Variants in RC3H2 observed in about 807,000 individuals in gnomAD.
RC3H2 encodes ring finger and CCCH-type domains 2.
Under a neutral mutation model 133.3 loss-of-function variants are expected in RC3H2, and 31 were observed. That is an observed-to-expected ratio of 0.23 (90% CI 0.17 to 0.31). The LOEUF (loss-of-function observed/expected upper bound fraction) is 0.31. Ranked by LOEUF, RC3H2 falls within the 10% of genes least tolerant of loss-of-function variation. The probability of loss-of-function intolerance (pLI) is 1.00; values close to 1 mark genes in which losing one functional copy is unlikely to be tolerated. For missense variants in RC3H2, 1,175 were observed against 1,437.2 expected (o/e 0.82, Z 2.95); for synonymous variants, 517 against 502.2 (o/e 1.03, Z -0.40).
chr9:122,897,077 C>T (rs1266812145), intron 2 of RC3H2, among the ~76,000 whole-genome samples: 5 of 137,198 alleles, frequency 3.6e-5, no homozygotes, highest in Non-Finnish European at 6.3e-5. Flanking sequence ...CTAACACTAA[C>T]GATAGCTGAT....
At chr9:122,896,288 C>T (rs1832416498) in intron 2 of RC3H2, among the ~76,000 whole-genome samples, 2 of 152,036 alleles carry the variant, frequency 1.3e-5, no homozygotes, top group African/African-American at 4.8e-5. Flanking sequence ...TATATACATC[C>T]CTACATAGAC....
intron 10 of RC3H2, 98 bp downstream of exon 10, chr9:122,865,251 A>G (rs1049053087): frequency 3.7e-6 from 4 of 1,079,930 alleles, no homozygotes; most frequent in Non-Finnish European, 5.3e-6. Flanking sequence ...CTGCATAAAA[A>G]TTCTGATTAA....
chr9:122,901,766 A>AT (rs1357762758), intron 1 of RC3H2, among the ~76,000 whole-genome samples: 1 of 147,188 alleles, frequency 6.8e-6, no homozygotes, highest in Admixed American at 6.8e-5. Context: ...TAATTTTTGT[A>AT]TTTTTAGTAG....
Position 122,897,521 on chromosome 9 carries a change from G to C in RC3H2, c.-12C>G. The C allele has an allele frequency of 6.2e-7, 1 of 1,609,948 alleles. No homozygotes were observed. Among genetic ancestry groups the C allele is most frequent in the Non-Finnish European group, 8.5e-7 (1 of 1,177,408 alleles). ...GCCTGCACAGGCATTGTGGAAGCTG[G>C]ATGCTCGGGTTAGCAGTCTAGCAGA... On this transcript the variant is annotated 5_prime_UTR_variant, in exon 2 of 21. It adds an upstream start codon to the 5' untranslated region. Coordinates refer to ENST00000357244, the MANE Select transcript of RC3H2 (RefSeq NM_001100588.3).
intron 6 of RC3H2, 118 bp from the exon 7 acceptor site, chr9:122,880,243 A>T (rs1831555964): frequency 1.8e-6 from 2 of 1,139,212 alleles, no homozygotes; most frequent in Non-Finnish European, 2.7e-6. Context: ...ATTCCACAGT[A>T]GGAGTATCAG....
chr9:122,868,416 G>A (rs1366056180), intron 9 of RC3H2, among the ~76,000 whole-genome samples: 2 of 151,916 alleles, frequency 1.3e-5, no homozygotes, highest in Non-Finnish European at 2.9e-5. Flanking sequence ...CTTCTGCCTT[G>A]GGATCCTGTT....
chr9:122,897,711 T>C lies in RC3H2; in HGVS notation c.-67-135A>G, dbSNP rs888554769. On this transcript the variant is annotated intron_variant, in intron 1 of 20. Transcript: ENST00000357244. Reference sequence around the variant, plus strand: ...TTTTATAACCTTTGGATGTCTTTTTTAAAAAACCTATTTGCTGAATTAATT... The same window carrying C: ...TTTTATAACCTTTGGATGTCTTTTTCAAAAAACCTATTTGCTGAATTAATT... 5.9e-5 allele frequency: 36 copies of C among 608,710 alleles called. No individual in the cohort carries two copies. In the African/African-American group the frequency reaches 6.5e-4, roughly 11 times the overall value. The allele number at this position is 608,710 out of a possible 1,614,324, so 37.7% of individuals were successfully genotyped here.
At chr9:122,903,457 T>A (rs1832732014) in intron 1 of RC3H2, among the ~76,000 whole-genome samples, 1 of 152,192 alleles carries the variant, frequency 6.6e-6, no homozygotes, top group Non-Finnish European at 1.5e-5. Context: ...AAATGCAAAT[T>A]TTTGGTTTTT....
chr9:122,891,529 GTTAAA>G (rs1186116518), intron 3 of RC3H2, among the ~76,000 whole-genome samples: 4 of 152,156 alleles, frequency 2.6e-5, no homozygotes, highest in Non-Finnish European at 5.9e-5. Context: ...TGCTAAATTG[GTTAAA>G]TTAGTTAATT....
At chr9:122,851,758 C>A (rs1186850853) in intron 18 of RC3H2, among the ~76,000 whole-genome samples, 2 of 152,358 alleles carry the variant, frequency 1.3e-5, no homozygotes, top group South Asian at 2.1e-4. Flanking sequence ...CTCGGCCTCC[C>A]GAGGTGCCGG....
At chr9:122,865,822 A>C (rs1830623293) in intron 9 of RC3H2, among the ~76,000 whole-genome samples, 165 bp from the exon 10 acceptor site, 1 of 152,208 alleles carries the variant, frequency 6.6e-6, no homozygotes, top group South Asian at 2.1e-4. Context: ...ATTCTACTGC[A>C]ACAGATGCCA....
intron 14 of RC3H2, 76 bp from the exon 15 acceptor site, chr9:122,855,473 C>A (rs1406029037): frequency 7.3e-7 from 1 of 1,371,624 alleles, no homozygotes; most frequent in East Asian, 2.3e-5. Context: ...TATCAAAAGA[C>A]ATGTAATTAG....
chr9:122,885,088 T>G (rs2596704), intron 4 of RC3H2, among the ~76,000 whole-genome samples: 1 of 151,980 alleles, frequency 6.6e-6, no homozygotes, highest in Non-Finnish European at 1.5e-5. Flanking sequence ...ACAAATTGTA[T>G]ATAGTACTGT....
chr9:122,887,597 T>G (rs1044811857), intron 4 of RC3H2, among the ~76,000 whole-genome samples: 1 of 152,160 alleles, frequency 6.6e-6, no homozygotes. Context: ...GGTGTTATGG[T>G]TATTCATCAC....
Position 122,865,566 on chromosome 9 carries a change from C to T in RC3H2, c.1417G>A (p.Ala473Thr). Residue 473 changes from alanine (A) to threonine (T), a missense_variant, in exon 10 of 21, where the codon GCC (alanine) becomes ACC (threonine). Physicochemically the swap from Ala to Thr is moderately conservative, Grantham distance 58 (BLOSUM62 0). Transcript: ENST00000357244. ...VGVNNTVTTT[A>T]GNVISVIGST... ...CCTATGACAGAAATGACATTTCCGGCTGTGGTTGTGACAGTGTTGTTTACA... is the reference window on the plus strand; with the variant it reads ...CCTATGACAGAAATGACATTTCCGGTTGTGGTTGTGACAGTGTTGTTTACA... The T allele has an allele frequency of 6.2e-7, 1 of 1,614,186 alleles. No homozygotes were observed.
intron 1 of RC3H2, among the ~76,000 whole-genome samples, chr9:122,900,069 T>C (rs1832596452): frequency 6.6e-6 from 1 of 152,234 alleles, no homozygotes; most frequent in Non-Finnish European, 1.5e-5. Context: ...TGTTTCAAAC[T>C]ATACCAGAGC....
In RC3H2 at chr9:122,892,935, T is replaced by C. The variant is rs758912150; in HGVS notation, c.323A>G (p.Tyr108Cys). ...TTTACCTCCACTTAGTGGTTTTAAG[T>C]AGAGTGCCAAATCCTCAACGCATTT... The part of the protein sequence containing the change: ...AKKCVEDLAL[Y>C]LKPLSGGKGV... Residue 108 changes from tyrosine to cysteine, a missense_variant, in exon 3 of 21, where the codon TAC (tyrosine) becomes TGC (cysteine). By Grantham distance (194) the Tyr-to-Cys change is radical. Around this residue, in one of 8 missense-constraint regions of RC3H2, gnomAD observed 121 missense variants for 243.5 expected, o/e 0.50. Transcript: ENST00000357244. 9 of 1,613,340 alleles carry C rather than the reference T, an allele frequency of 5.6e-6. No homozygotes were observed. The highest frequency in any genetic ancestry group is 7.6e-6 in the Non-Finnish European group (9 of 1,179,926).
At chr9:122,864,546 C>G (rs902572725) in intron 10 of RC3H2, among the ~76,000 whole-genome samples, 18 of 151,964 alleles carry the variant, frequency 1.2e-4, no homozygotes, top group Admixed American at 6.5e-5. Context: ...GATTAAGTAA[C>G]TGGCCTAAGA....
chr9:122,855,135 G>C, intron 15 of RC3H2, 49 bp downstream of exon 15: 1 of 1,173,268 alleles, frequency 8.5e-7, no homozygotes, highest in Non-Finnish European at 1.2e-6. Flanking sequence ...AAAAAAAAAA[G>C]GCATAGTGCT....
Sources: allele counts gnomAD v4.1 joint callset (sites outside exome capture counted in the v4.1 genomes callset), GRCh38; gene constraint gnomAD v4.1.1; regional missense constraint gnomAD v4.1.1; transcripts MANE v1.5; gene names NCBI Gene and HGNC (gene_info 2026-07-23, HGNC 2026-07-21).